Variants in CHRNB1 observed in about 807,000 individuals in gnomAD.
The protein encoded by CHRNB1 is cholinergic receptor nicotinic beta 1 subunit, also known as acetylcholine receptor subunit beta.
In CHRNB1, 47 loss-of-function variants were observed where a neutral mutation model predicts 53.8. The observed-to-expected ratio is 0.87, with a 90% CI of 0.69 to 1.11. The LOEUF (loss-of-function observed/expected upper bound fraction) is 1.11, where lower values mean the gene tolerates loss of function less well. Ranked by LOEUF, CHRNB1 falls within the 50% of genes most tolerant of loss-of-function variation. The pLI, the probability that CHRNB1 is intolerant of heterozygous loss-of-function variation, is 0.00. For synonymous variants in CHRNB1, 259 were observed against 263.5 expected, an observed-to-expected ratio of 0.98 and a Z score of 0.16; for missense variants, 605 against 654.9, an observed-to-expected ratio of 0.92 and a Z score of 0.83.
intron 9 of CHRNB1, 89 bp from the exon 10 acceptor site, chr17:7,455,705 G>C: frequency 6.4e-7 from 1 of 1,561,686 alleles, no homozygotes; most frequent in South Asian, 1.1e-5. Context: ...TTGAGAACTG[G>C]CAAGTTGTTG....
Position 7,445,645 on chromosome 17 carries a change from C to A in CHRNB1, c.198+236C>A. ...GTGAAGGACGGACCTGTGATCGGACCTTAAAGTGGGGCTGGGGACGAGGCA... is the reference window on the plus strand; with the variant it reads ...GTGAAGGACGGACCTGTGATCGGACATTAAAGTGGGGCTGGGGACGAGGCA... On this transcript the variant is annotated intron_variant, in intron 2 of 10. Transcript: ENST00000306071. This position sits in a 1 kb window ranked among gnomAD's most constrained non-coding sequence, Gnocchi z 5.7. The A allele has an allele frequency of 2.2e-6, 3 of 1,389,090 alleles. No homozygotes were observed. The highest frequency in any genetic ancestry group is 2.7e-5 in the Admixed American group (1 of 36,410). The allele number at this position is 1,389,090 out of a possible 1,614,324, so 86.0% of individuals were successfully genotyped here. A position where few individuals can be genotyped will look rare whatever the true frequency, so the allele number is the denominator to read the frequency against.
In CHRNB1 at chr17:7,456,631, C is replaced by T; in HGVS notation, c.1414C>T (p.Leu472=). ...GGCCATGGTAGTGGACCGCCTCTTC[C>T]TGTGGACTTTCATCATCTTCACCAG... ...FVAMVVDRLF[L]WTFIIFTSVG... Residue 472 remains leucine, a synonymous_variant, in exon 11 of 11, where the codon CTG becomes TTG. Coordinates refer to ENST00000306071, the MANE Select transcript of CHRNB1 (RefSeq NM_000747.3). The T allele has an allele frequency of 6.2e-7, 1 of 1,614,150 alleles. No individual in the cohort carries two copies. Among genetic ancestry groups the T allele is most frequent in the South Asian group, 1.1e-5 (1 of 91,082 alleles).
chr17:7,455,302 C>T lies in CHRNB1; in HGVS notation c.1063C>T (p.Pro355Ser), dbSNP rs780673811. 34 of 1,614,000 alleles carry T rather than the reference C, an allele frequency of 2.1e-5. No homozygotes were observed. In the East Asian group the frequency reaches 6.7e-4, roughly 32 times the overall value. ...WVRQIFIHKL[P>S]LYLRLKRPKP... ...TCTGCAGATCTTCATTCACAAACTT[C>T]CGCTGTACCTGCGTCTAAAAAGGCC... The change falls in exon 9 of 11, where the codon CCG (proline) becomes TCG (serine). Residue 355 changes from proline to serine, a missense_variant. Physicochemically the swap from Pro to Ser is moderately conservative, Grantham distance 74. Coordinates refer to ENST00000306071, the MANE Select transcript of CHRNB1 (RefSeq NM_000747.3).
At chr17:7,452,251 T>A (rs1232748330) in intron 7 of CHRNB1, among the ~76,000 whole-genome samples, 6 of 151,868 alleles carry the variant, frequency 4.0e-5, no homozygotes, top group Admixed American at 3.3e-4. Context: ...AGAGATGGGG[T>A]TTCGCTATGT....
intron 8 of CHRNB1, 141 bp from the exon 9 acceptor site, chr17:7,455,143 C>T (rs1204421008): frequency 2.1e-6 from 2 of 965,926 alleles, no homozygotes; most frequent in African/African-American, 1.6e-5. Flanking sequence ...GGCTGCATTT[C>T]CTTGTGTAGC....
rs748919331 is a variant in CHRNB1 at position 7,445,421 on chromosome 17, C to CG, written c.198+18dup. 1.9e-6 allele frequency: 3 copies of CG among 1,609,804 alleles called. No homozygotes were observed. Among genetic ancestry groups the CG allele is most frequent in the African/African-American group, 1.3e-5 (1 of 74,662 alleles). The stretch of plus-strand genomic sequence containing the variant: ...AACTCATCAGCCTGGTGAGGGCGCG[C>CG]GGGGGGTGGAGGTCAGGCCAGCCGA... On this transcript the variant is annotated intron_variant, in intron 2 of 10. Coordinates refer to ENST00000306071, the MANE Select transcript of CHRNB1 (RefSeq NM_000747.3). This position sits in a 1 kb window ranked among gnomAD's most constrained non-coding sequence, Gnocchi z 5.7.
At chr17:7,454,574 G>A in intron 8 of CHRNB1, 54 bp downstream of exon 8, 6 of 1,405,804 alleles carry the variant, frequency 4.3e-6, no homozygotes, top group Non-Finnish European at 6.1e-6. Flanking sequence ...ACCATAGGGA[G>A]AACTATAGCT....
intron 7 of CHRNB1, 90 bp downstream of exon 7, chr17:7,448,878 C>A: frequency 7.2e-7 from 1 of 1,384,224 alleles, no homozygotes; most frequent in Non-Finnish European, 1.0e-6. Context: ...CCTGCCAATC[C>A]AAAGCATCAT....
chr17:7,446,504 T>G, intron 3 of CHRNB1: 1 of 518,330 alleles, frequency 1.9e-6, no homozygotes, highest in Non-Finnish European at 3.5e-6. Context: ...ATTCTAATTT[T>G]TGAAACACTG....
In CHRNB1 at chr17:7,445,208, C is replaced by T; in HGVS notation, c.58+23C>T. 3 of 1,611,470 alleles carry T rather than the reference C, an allele frequency of 1.9e-6. No individual in the cohort carries two copies. The highest frequency in any genetic ancestry group is 2.2e-5 in the South Asian group (2 of 90,928). On this transcript the variant is annotated intron_variant, in intron 1 of 10. Coordinates refer to ENST00000306071, the MANE Select transcript of CHRNB1 (RefSeq NM_000747.3). The surrounding 1 kb of genome is among the most constrained non-coding windows in gnomAD (Gnocchi z 5.7). ...CAGGTAAGTGTAGGCCCCGAAGGGG[C>T]AGTGACGGGGCCAGCGGTCGTGGCC...
chr17:7,456,658 G>T lies in CHRNB1; in HGVS notation c.1441G>T (p.Val481Phe), dbSNP rs1205517699. Residue 481 changes from valine (V) to phenylalanine (F), a missense_variant, in exon 11 of 11, where the codon GTT (valine) becomes TTT (phenylalanine). Transcript: ENST00000306071. ...GTGGACTTTCATCATCTTCACCAGC[G>T]TTGGGACCCTAGTCATCTTCCTGGA... ...FLWTFIIFTS[V>F]GTLVIFLDAT... The T allele has an allele frequency of 2.5e-6, 4 of 1,613,984 alleles. No homozygotes were observed. Among genetic ancestry groups the T allele is most frequent in the East Asian group, 2.2e-5 (1 of 44,878 alleles).
chr17:7,448,318 G>A (rs547628830), intron 6 of CHRNB1, among the ~76,000 whole-genome samples: 25 of 152,102 alleles, frequency 1.6e-4, no homozygotes, highest in East Asian at 5.8e-4. Context: ...CCTGGGAGGC[G>A]GAGGTTGCAG....
At chr17:7,455,600 A>T in intron 9 of CHRNB1, 144 bp downstream of exon 9, 1 of 1,251,638 alleles carries the variant, frequency 8.0e-7, no homozygotes, top group Non-Finnish European at 1.2e-6. Flanking sequence ...GCTCACTTTG[A>T]GGGGAGGTGG....
intron 7 of CHRNB1, 96 bp from the exon 8 acceptor site, chr17:7,454,201 T>C (rs1908988318): frequency 9.2e-7 from 1 of 1,082,074 alleles, no homozygotes; most frequent in Admixed American, 1.7e-5. Context: ...TGTAGAAATC[T>C]GTCTTTGAAT....
intron 6 of CHRNB1, 145 bp from the exon 7 acceptor site, chr17:7,448,434 T>C (rs1908746979): frequency 1.4e-6 from 1 of 704,290 alleles, no homozygotes; most frequent in South Asian, 1.6e-5. Context: ...CCAAGTTTAT[T>C]AGAGATGGGC....
At position 7,447,494 on chromosome 17, in the gene CHRNB1, T is replaced by C; in HGVS notation, c.463-9T>C. 1.9e-6 allele frequency: 3 copies of C among 1,614,038 alleles called. No individual in the cohort carries two copies. The highest frequency in any genetic ancestry group is 2.5e-6 in the Non-Finnish European group (3 of 1,180,016). The stretch of plus-strand genomic sequence containing the variant: ...TCTGGCAGCTCTAGTGACTCTCTCC[T>C]CCATCCAGGTCACCTACTTCCCCTT... On this transcript the variant is annotated splice_polypyrimidine_tract_variant and intron_variant, in intron 5 of 10. Coordinates refer to ENST00000306071, the MANE Select transcript of CHRNB1 (RefSeq NM_000747.3).
Position 7,455,939 on chromosome 17 carries a change from G to A in CHRNB1, c.1363G>A (p.Ala455Thr), listed in dbSNP as rs764560249. 2.5e-6 allele frequency: 4 copies of A among 1,614,074 alleles called. No homozygotes were observed. The highest frequency in any genetic ancestry group is 1.7e-6 in the Non-Finnish European group (2 of 1,180,030). Residue 455 changes from alanine to threonine, a missense_variant and splice_region_variant, in exon 10 of 11, where the codon GCG (alanine) becomes ACG (threonine). Coordinates refer to ENST00000306071, the MANE Select transcript of CHRNB1 (RefSeq NM_000747.3). The part of the protein sequence containing the change: ...RQLQEQEDHD[A>T]LKEDWQFVAM... Reference sequence around the variant, plus strand: ...GCTGCAGGAACAGGAGGACCACGATGCGGTATGTCCAACGGGGGTGGAACA... The same window carrying A: ...GCTGCAGGAACAGGAGGACCACGATACGGTATGTCCAACGGGGGTGGAACA...
intron 9 of CHRNB1, 94 bp downstream of exon 9, chr17:7,455,550 C>CA: frequency 6.8e-7 from 1 of 1,473,722 alleles, no homozygotes; most frequent in Non-Finnish European, 9.5e-7. Context: ...TCTCGGAAGA[C>CA]GCTGTGGTTG....
chr17:7,455,689 C>A, intron 9 of CHRNB1, 105 bp from the exon 10 acceptor site: 11 of 1,484,744 alleles, frequency 7.4e-6, no homozygotes, highest in Non-Finnish European at 1.0e-5. Context: ...GATGGGCTCT[C>A]GGGTTTTGAG....
Sources: gnomAD v4.1 joint callset for allele counts (sites outside exome capture counted in the v4.1 genomes callset) on GRCh38, gnomAD v4.1.1 for gene constraint, Gnocchi (gnomAD v3.1) non-coding constraint, MANE v1.5 for transcripts, NCBI Gene and HGNC (gene_info 2026-07-23, HGNC 2026-07-21) for gene names.